The following SPOCK3 variants were observed in gnomAD, a reference collection of about 807,000 sequenced individuals.
SPOCK3 encodes the protein SPARC (osteonectin), cwcv and kazal like domains proteoglycan 3.
SPOCK3 carries 30 observed loss-of-function variants against 56.6 expected under a neutral mutation model. That is an observed-to-expected ratio of 0.53 (90% CI 0.40 to 0.72). The LOEUF is 0.72. Ranked by LOEUF, SPOCK3 falls within the 30% of genes least tolerant of loss-of-function variation. The pLI is 0.00. For synonymous variants in SPOCK3, 196 were observed against 183.3 expected, an observed-to-expected ratio of 1.07 and a Z score of -0.56; for missense variants, 527 against 530.0, an observed-to-expected ratio of 0.99 and a Z score of 0.06.
intron 2 of SPOCK3, among the ~76,000 whole-genome samples, chr4:167,178,915 C>G (rs1731216502): frequency 6.6e-6 from 1 of 152,052 alleles, no homozygotes; most frequent in Non-Finnish European, 1.5e-5. Context: ...TTTAAAATGA[C>G]AATTTTTATA....
At position 166,849,986 on chromosome 4, in the gene SPOCK3, A is replaced by G. The variant is rs180672817; in HGVS notation, c.589+39144T>C. On this transcript the variant is annotated intron_variant, in intron 6 of 10. Coordinates refer to ENST00000357545, the MANE Select transcript of SPOCK3 (RefSeq NM_001040159.2). Reference sequence around the variant, plus strand: ...ATTTTGTTTATTCACTTATCTCTCAATGGACACCTGGATTGCTTCCCACCT... The same window carrying G: ...ATTTTGTTTATTCACTTATCTCTCAGTGGACACCTGGATTGCTTCCCACCT... Among the ~76,000 whole-genome samples the G allele has an allele frequency of 2.0e-5, 3 of 152,176 alleles. No individual in the cohort carries two copies. The East Asian group carries it at 5.8e-4, about 29-fold the overall frequency.
At chr4:166,834,829 C>T (rs1159747367) in intron 6 of SPOCK3, among the ~76,000 whole-genome samples, 1 of 151,976 alleles carries the variant, frequency 6.6e-6, no homozygotes, top group South Asian at 2.1e-4. Context: ...TCTTTTTTAT[C>T]TCTCTTTTAA....
intron 6 of SPOCK3, among the ~76,000 whole-genome samples, chr4:166,810,969 GTTAAT>G (rs970366611): frequency 1.3e-5 from 2 of 151,618 alleles, no homozygotes; most frequent in African/African-American, 2.4e-5. Context: ...TTTCTTCTTT[GTTAAT>G]TTAAGTAAGA....
At chr4:167,193,100 T>C (rs1050994334) in intron 2 of SPOCK3, among the ~76,000 whole-genome samples, 1 of 146,154 alleles carries the variant, frequency 6.8e-6, no homozygotes, top group Non-Finnish European at 1.5e-5. Context: ...TATGTGTCTG[T>C]TGGGTCCATT....
At chr4:167,098,696 A>T (rs1759375880) in intron 2 of SPOCK3, among the ~76,000 whole-genome samples, 1 of 151,234 alleles carries the variant, frequency 6.6e-6, no homozygotes. Context: ...TGATTCTCCC[A>T]CTCAGCTTAT....
chr4:167,177,539 G>A (rs935467301), intron 2 of SPOCK3, among the ~76,000 whole-genome samples: 1 of 152,032 alleles, frequency 6.6e-6, no homozygotes, highest in Admixed American at 6.6e-5. Flanking sequence ...ATGGGATTCA[G>A]GCTTAGGCAA....
intron 2 of SPOCK3, among the ~76,000 whole-genome samples, chr4:167,072,561 TTGAGA>T (rs1225444615): frequency 1.3e-5 from 2 of 151,990 alleles, no homozygotes; most frequent in African/African-American, 2.4e-5. Context: ...AAATCTTTTG[TTGAGA>T]TGGAGAAGAC....
chr4:167,162,165 C>T (rs1002066621), intron 2 of SPOCK3, among the ~76,000 whole-genome samples: 4 of 152,068 alleles, frequency 2.6e-5, no homozygotes, highest in African/African-American at 4.8e-5. Context: ...GACTAACCAC[C>T]TCTTCACCAA....
At chr4:167,064,787 T>C (rs1755942785) in intron 2 of SPOCK3, among the ~76,000 whole-genome samples, 2 of 151,684 alleles carry the variant, frequency 1.3e-5, no homozygotes, top group Non-Finnish European at 2.9e-5. Context: ...GGAAAAATAA[T>C]ATCTACCTAT....
Position 167,116,737 on chromosome 4 carries a change from ATAG to A in SPOCK3, c.190-54203_190-54201del, listed in dbSNP as rs1761427828. 2.2e-5 allele frequency among the ~76,000 whole-genome samples: 3 copies of A among 135,406 alleles called. No individual in the cohort carries two copies. The Admixed American group carries it at 2.3e-4, about 10-fold the overall frequency. The allele number at this position is 135,406 out of a possible 152,430, so 88.8% of individuals were successfully genotyped here. Reference sequence around the variant, plus strand: ...AGTATATATGTATATATACACACATATAGTATATATACATATGTATATATACAC... The same window carrying A: ...AGTATATATGTATATATACACACATATATATATACATATGTATATATACAC... On this transcript the variant is annotated intron_variant, in intron 2 of 10. Transcript: ENST00000357545.
intron 6 of SPOCK3, among the ~76,000 whole-genome samples, chr4:166,811,792 A>G (rs902234312): frequency 1.3e-5 from 2 of 151,910 alleles, no homozygotes; most frequent in Non-Finnish European, 2.9e-5. Flanking sequence ...TCAAAGCTAT[A>G]CTTTGTTATA....
At chr4:166,766,433 C>G (rs532133855) in intron 7 of SPOCK3, among the ~76,000 whole-genome samples, 1 of 152,158 alleles carries the variant, frequency 6.6e-6, no homozygotes, top group South Asian at 2.1e-4. Context: ...TTTGCTGCCT[C>G]TATTGAGATA....
At chr4:167,036,462 C>T (rs1264047374) in intron 3 of SPOCK3, among the ~76,000 whole-genome samples, 2 of 152,082 alleles carry the variant, frequency 1.3e-5, no homozygotes, top group Non-Finnish European at 2.9e-5. Flanking sequence ...AAGCCGGGTG[C>T]AGAAGAAATA....
At chr4:166,778,227 G>A (rs1739782959) in intron 7 of SPOCK3, among the ~76,000 whole-genome samples, 1 of 152,080 alleles carries the variant, frequency 6.6e-6, no homozygotes, top group Non-Finnish European at 1.5e-5. Context: ...TTATGTTATT[G>A]TAGTAAATGA....
At chr4:167,022,606 C>T (rs1178794810) in intron 3 of SPOCK3, among the ~76,000 whole-genome samples, 2 of 151,984 alleles carry the variant, frequency 1.3e-5, no homozygotes, top group Admixed American at 1.3e-4. Context: ...AAGTACAGCC[C>T]AAGTTTATGG....
chr4:167,197,451 T>C (rs1245478799), intron 2 of SPOCK3, among the ~76,000 whole-genome samples: 1 of 152,170 alleles, frequency 6.6e-6, no homozygotes, highest in Non-Finnish European at 1.5e-5. Context: ...ACTTATAAGG[T>C]AGATGAAATT....
In SPOCK3 at chr4:167,193,252, C is replaced by T. The variant is rs534443772; in HGVS notation, c.189+40733G>A. On this transcript the variant is annotated intron_variant, in intron 2 of 10. Transcript: ENST00000357545. The stretch of plus-strand genomic sequence containing the variant: ...CTTGTTGATTTTCTTTGTAGTATTA[C>T]GGTTTTATTCCTTTCCCTTTATATT... Among the ~76,000 whole-genome samples, 39 of 145,918 alleles carry T rather than the reference C, an allele frequency of 2.7e-4. 6 individuals carry two copies. The highest frequency in any genetic ancestry group is 9.4e-4 in the African/African-American group (36 of 38,276).
chr4:167,119,373 A>G (rs1463994645), intron 2 of SPOCK3, among the ~76,000 whole-genome samples: 1 of 152,166 alleles, frequency 6.6e-6, no homozygotes, highest in African/African-American at 2.4e-5. Context: ...AATTCCCAAT[A>G]AATACATATG....
chr4:166,858,936 T>C (rs1730958406), intron 6 of SPOCK3, among the ~76,000 whole-genome samples: 1 of 152,182 alleles, frequency 6.6e-6, no homozygotes, highest in Non-Finnish European at 1.5e-5. Context: ...AACAGCTGGC[T>C]GCATATTCAA....
Sources: allele counts gnomAD v4.1 joint callset (sites outside exome capture counted in the v4.1 genomes callset), GRCh38; gene constraint gnomAD v4.1.1; transcripts MANE v1.5; gene names NCBI Gene and HGNC (gene_info 2026-07-23, HGNC 2026-07-21).